The following ARL3 variants were observed in gnomAD, a reference collection of about 807,000 sequenced individuals.
ARL3 encodes ARF like GTPase 3.
A neutral mutation model predicts 26.0 loss-of-function variants in ARL3; 9 were observed. The observed-to-expected ratio is 0.35, with a 90% CI of 0.21 to 0.60. ARL3 has a LOEUF of 0.60. Ranked by LOEUF, ARL3 falls within the 20% of genes least tolerant of loss-of-function variation. ARL3 has a pLI of 0.78. For missense variants in ARL3, 158 were observed against 215.7 expected (o/e 0.73, Z 1.67); for synonymous variants, 71 against 78.4 (o/e 0.91, Z 0.50).
chr10:102,680,100 T>C (rs2064148197), intron 5 of ARL3, among the ~76,000 whole-genome samples: 6 of 152,062 alleles, frequency 3.9e-5, no homozygotes, highest in Admixed American at 1.3e-4. Context: ...CCCGCCACCA[T>C]GCCCGACTAA....
intron 1 of ARL3, among the ~76,000 whole-genome samples, chr10:102,705,876 G>A (rs1176766433): frequency 1.3e-5 from 2 of 151,864 alleles, no homozygotes; most frequent in East Asian, 1.9e-4. Context: ...AAAGTTTCTC[G>A]TGGTAAGGGC....
chr10:102,699,327 C>T (rs751022988), intron 3 of ARL3, 46 bp downstream of exon 3: 41 of 1,179,634 alleles, frequency 3.5e-5, no homozygotes, highest in Non-Finnish European at 5.2e-5. Context: ...GTTTCTAACA[C>T]ATGGCAGAAA....
At chr10:102,703,146 G>A (rs1399110972) in intron 2 of ARL3, among the ~76,000 whole-genome samples, 1 of 119,846 alleles carries the variant, frequency 8.3e-6, no homozygotes, top group Non-Finnish European at 1.7e-5. Flanking sequence ...TTTTTGAGAC[G>A]GAGTCTCACT....
At chr10:102,707,414 T>C (rs2064315796) in intron 1 of ARL3, among the ~76,000 whole-genome samples, 1 of 152,230 alleles carries the variant, frequency 6.6e-6, no homozygotes, top group South Asian at 2.1e-4. Context: ...TTCTGTGCTA[T>C]AGCTGATAAT....
intron 1 of ARL3, among the ~76,000 whole-genome samples, chr10:102,710,093 GCTT>G (rs1488522127): frequency 1.3e-5 from 2 of 152,100 alleles, no homozygotes; most frequent in African/African-American, 4.8e-5. Flanking sequence ...AGAATACAGT[GCTT>G]CTACATTTCT....
chr10:102,674,857 T>G lies in ARL3; in HGVS notation c.*2037A>C, dbSNP rs1310073722. On this transcript the variant is annotated 3_prime_UTR_variant, in exon 6 of 6. Transcript: ENST00000260746. The stretch of plus-strand genomic sequence containing the variant: ...AGGCCGTTATCAGAGGAGTGGCTTC[T>G]GCCTGCTAGGAGAGGCCTTGGGATG... The G allele has an allele frequency of 6.6e-6, 1 of 152,140 alleles. No individual in the cohort carries two copies. The highest frequency in any genetic ancestry group is 1.5e-5 in the Non-Finnish European group (1 of 68,026). 9.4% of individuals were successfully genotyped at this position (152,140 alleles called of 1,614,324 possible).
At chr10:102,685,592 C>T (rs956404137) in intron 5 of ARL3, among the ~76,000 whole-genome samples, 2 of 152,214 alleles carry the variant, frequency 1.3e-5, no homozygotes, top group African/African-American at 4.8e-5. Context: ...TCACATCCCT[C>T]CCAAAGGGGA....
intron 4 of ARL3, among the ~76,000 whole-genome samples, chr10:102,687,125 C>G (rs559493744): frequency 2.6e-5 from 4 of 151,582 alleles, no homozygotes; most frequent in South Asian, 2.1e-4. Context: ...ATCCACCCCC[C>G]ACCTTGGCCT....
chr10:102,679,058 C>T (rs1590118225), intron 5 of ARL3, among the ~76,000 whole-genome samples: 1 of 152,246 alleles, frequency 6.6e-6, no homozygotes, highest in Non-Finnish European at 1.5e-5. Flanking sequence ...CCTGTGGCTG[C>T]CCTGGGCCCG....
At chr10:102,708,631 TG>T (rs1400798447) in intron 1 of ARL3, among the ~76,000 whole-genome samples, 1 of 151,630 alleles carries the variant, frequency 6.6e-6, no homozygotes, top group Non-Finnish European at 1.5e-5. Flanking sequence ...CCGAGGTGGG[TG>T]GATCACTTGA....
At chr10:102,690,632 T>C (rs1169048120) in intron 3 of ARL3, among the ~76,000 whole-genome samples, 1 of 152,118 alleles carries the variant, frequency 6.6e-6, no homozygotes, top group African/African-American at 2.4e-5. Context: ...CTGATATTAA[T>C]AATAATACAG....
intron 1 of ARL3, among the ~76,000 whole-genome samples, chr10:102,712,839 C>T (rs187414677): frequency 6.6e-6 from 1 of 152,132 alleles, no homozygotes; most frequent in East Asian, 1.9e-4. Flanking sequence ...AAAAGGACAG[C>T]TCACGTATAA....
At chr10:102,691,010 C>T (rs1396143309) in intron 3 of ARL3, among the ~76,000 whole-genome samples, 1 of 151,928 alleles carries the variant, frequency 6.6e-6, no homozygotes, top group Non-Finnish European at 1.5e-5. Flanking sequence ...CATGCACCAC[C>T]AGACACAGTT....
intron 5 of ARL3, among the ~76,000 whole-genome samples, chr10:102,684,863 G>A (rs1361803468): frequency 1.3e-5 from 2 of 150,906 alleles, no homozygotes; most frequent in South Asian, 2.1e-4. Flanking sequence ...GGCTGGTCTC[G>A]AACCCCTGAC....
At chr10:102,694,994 C>T (rs939439533) in intron 3 of ARL3, among the ~76,000 whole-genome samples, 7 of 152,344 alleles carry the variant, frequency 4.6e-5, no homozygotes, top group African/African-American at 9.6e-5. Flanking sequence ...GTTGGGAGTG[C>T]GGGCGTGAGC....
At chr10:102,704,747 A>G (rs1031860694) in intron 2 of ARL3, among the ~76,000 whole-genome samples, 2 of 152,212 alleles carry the variant, frequency 1.3e-5, no homozygotes, top group Admixed American at 6.5e-5. Context: ...GTATATATGT[A>G]TACATATATT....
chr10:102,713,088 T>C (rs1350717290), intron 1 of ARL3, among the ~76,000 whole-genome samples: 2 of 151,638 alleles, frequency 1.3e-5, no homozygotes, highest in Admixed American at 6.6e-5. Flanking sequence ...TTTTTTTGTT[T>C]TTTTTTTTAC....
chr10:102,685,604 G>GC (rs1261883521), intron 5 of ARL3, among the ~76,000 whole-genome samples: 1 of 152,180 alleles, frequency 6.6e-6, no homozygotes, highest in Admixed American at 6.5e-5. Flanking sequence ...CAAAGGGGAA[G>GC]CTTGCTGCAC....
At chr10:102,711,978 T>C (rs1293473613) in intron 1 of ARL3, among the ~76,000 whole-genome samples, 1 of 152,186 alleles carries the variant, frequency 6.6e-6, no homozygotes, top group Non-Finnish European at 1.5e-5. Flanking sequence ...ATGTTGAACA[T>C]GCTTGAGAAC....
Sources: gnomAD v4.1 joint callset for allele counts (sites outside exome capture counted in the v4.1 genomes callset) on GRCh38, gnomAD v4.1.1 for gene constraint, MANE v1.5 for transcripts, NCBI Gene and HGNC (gene_info 2026-07-23, HGNC 2026-07-21) for gene names.